LBH: variants seen among roughly 807,000 people sequenced by gnomAD.
LBH encodes the protein protein LBH.
Under a neutral mutation model 12.5 loss-of-function variants are expected in LBH, and 7 were observed. The ratio of observed to expected loss-of-function variants is 0.56; its 90% CI spans 0.32 to 1.05. The LOEUF (loss-of-function observed/expected upper bound fraction) is 1.05, where lower values mean the gene tolerates loss of function less well. LBH is among the 50% of genes least tolerant of loss of function. The probability of loss-of-function intolerance (pLI) is 0.04; values close to 1 mark genes in which losing one functional copy is unlikely to be tolerated. For missense variants in LBH, 119 were observed against 138.9 expected, an observed-to-expected ratio of 0.86 and a Z score of 0.72; for synonymous variants, 51 against 50.1, an observed-to-expected ratio of 1.02 and a Z score of -0.08.
chr2:30,246,561 T>C (rs770742816), intron 2 of LBH, among the ~76,000 whole-genome samples: 1 of 152,238 alleles, frequency 6.6e-6, no homozygotes, highest in Non-Finnish European at 1.5e-5. Flanking sequence ...GGCATTGTTT[T>C]ACGTTTTTGC....
intron 2 of LBH, among the ~76,000 whole-genome samples, chr2:30,252,468 C>T (rs1437890983): frequency 3.3e-5 from 5 of 152,180 alleles, no homozygotes; most frequent in Non-Finnish European, 7.3e-5. Context: ...TGAGACCATA[C>T]TGGCTAACAT....
At chr2:30,234,829 C>T (rs1299497016) in intron 2 of LBH, among the ~76,000 whole-genome samples, 1 of 152,190 alleles carries the variant, frequency 6.6e-6, no homozygotes, top group Non-Finnish European at 1.5e-5. Flanking sequence ...TTGCCATTCA[C>T]CGCAGCAAAG....
intron 2 of LBH, among the ~76,000 whole-genome samples, chr2:30,255,577 C>T (rs1039425576): frequency 2.6e-5 from 4 of 152,172 alleles, no homozygotes; most frequent in Admixed American, 6.5e-5. Flanking sequence ...AATAATCACT[C>T]GTTTGCAGGT....
intron 2 of LBH, among the ~76,000 whole-genome samples, chr2:30,249,576 C>G (rs13414105): frequency 0.28 from 43,115 of 152,106 alleles, 6,480 homozygotes; most frequent in Middle Eastern, 0.43. Flanking sequence ...TTTTCATTCC[C>G]CCGGTCCTAA....
At chr2:30,232,162 C>A (rs747835957) in intron 1 of LBH, 115 of 1,543,060 alleles carry the variant, frequency 7.5e-5, no homozygotes, top group Non-Finnish European at 9.3e-5. Context: ...TTTTTGTTTG[C>A]ATGCAAGTCT....
At chr2:30,250,393 A>G (rs566950277) in intron 2 of LBH, among the ~76,000 whole-genome samples, 12 of 151,298 alleles carry the variant, frequency 7.9e-5, no homozygotes, top group African/African-American at 2.7e-4. Context: ...CCTGCTAACC[A>G]CCTTTCATCT....
intron 1 of LBH, chr2:30,232,164 T>C: frequency 6.8e-7 from 1 of 1,476,816 alleles, no homozygotes; most frequent in Non-Finnish European, 9.0e-7. Flanking sequence ...TTTGTTTGCA[T>C]GCAAGTCTCA....
intron 2 of LBH, among the ~76,000 whole-genome samples, chr2:30,237,125 G>A (rs1355786547): frequency 6.6e-6 from 1 of 152,228 alleles, no homozygotes; most frequent in Non-Finnish European, 1.5e-5. Flanking sequence ...CTGGGGGCAG[G>A]GGATCTCGGA....
intron 2 of LBH, among the ~76,000 whole-genome samples, chr2:30,247,509 A>G (rs1677896005): frequency 6.6e-6 from 1 of 152,162 alleles, no homozygotes; most frequent in South Asian, 2.1e-4. Flanking sequence ...CACTTTGTCC[A>G]TTTTTGAGAA....
chr2:30,254,695 G>A (rs1360289441), intron 2 of LBH, among the ~76,000 whole-genome samples: 1 of 151,344 alleles, frequency 6.6e-6, no homozygotes, highest in Admixed American at 6.6e-5. Context: ...GGCTGTCATA[G>A]TTAGAATTGG....
chr2:30,248,921 A>G (rs1001826385), intron 2 of LBH, among the ~76,000 whole-genome samples: 2 of 152,194 alleles, frequency 1.3e-5, no homozygotes, highest in Non-Finnish European at 2.9e-5. Context: ...AGCATCTTTG[A>G]TCCAAAGGAA....
chr2:30,239,593 A>G lies in LBH; in HGVS notation c.129+5086A>G, dbSNP rs577706585. On this transcript the variant is annotated intron_variant, in intron 2 of 2. Transcript: ENST00000395323. ...TAAAAATTCCAGAACATTTGGCAGGAGGCATCCAGCCGCGGACACATGTTC... is the reference window on the plus strand; with the variant it reads ...TAAAAATTCCAGAACATTTGGCAGGGGGCATCCAGCCGCGGACACATGTTC... Among the ~76,000 whole-genome samples the G allele has an allele frequency of 2.0e-5, 3 of 152,302 alleles. No homozygotes were observed. In the East Asian group the frequency reaches 5.8e-4, roughly 29 times the overall value.
At chr2:30,231,916 C>T in intron 1 of LBH, 152 bp downstream of exon 1, 4 of 517,792 alleles carry the variant, frequency 7.7e-6, no homozygotes, top group African/African-American at 2.7e-5. Context: ...GAGTCAACGT[C>T]AAGGTTGCAA....
rs1483837822 is a variant in LBH at position 30,259,828 on chromosome 2, T to C, written c.*2207T>C. Reference sequence around the variant, plus strand: ...TATCTGGCCTCCTCTTTTTTTTTTTTTCAAGTAATTTGTGTGTATTTCTAA... The same window carrying C: ...TATCTGGCCTCCTCTTTTTTTTTTTCTCAAGTAATTTGTGTGTATTTCTAA... On this transcript the variant is annotated 3_prime_UTR_variant, in exon 3 of 3. Transcript: ENST00000395323. 1 of 152,454 alleles carries C rather than the reference T, an allele frequency of 6.6e-6. No homozygotes were observed. Among genetic ancestry groups the C allele is most frequent in the Non-Finnish European group, 1.5e-5 (1 of 67,994 alleles). The allele number at this position is 152,454 out of a possible 1,614,324, so 9.4% of individuals were successfully genotyped here.
At chr2:30,252,883 C>T (rs1678010052) in intron 2 of LBH, among the ~76,000 whole-genome samples, 2 of 152,134 alleles carry the variant, frequency 1.3e-5, no homozygotes, top group African/African-American at 2.4e-5. Flanking sequence ...TCTAGACCTG[C>T]CCTACCCTGG....
intron 2 of LBH, among the ~76,000 whole-genome samples, chr2:30,254,202 G>A (rs1286893546): frequency 2.0e-5 from 3 of 152,130 alleles, no homozygotes; most frequent in African/African-American, 7.2e-5. Flanking sequence ...CCATACCTGT[G>A]ATAAAGGTTA....
In LBH at chr2:30,259,571, A is replaced by G. The variant is rs1678153849; in HGVS notation, c.*1950A>G. The G allele has an allele frequency of 6.6e-6, 1 of 152,568 alleles. No homozygotes were observed. Among genetic ancestry groups the G allele is most frequent in the African/African-American group, 2.4e-5 (1 of 41,370 alleles). 9.5% of individuals were successfully genotyped at this position (152,568 alleles called of 1,614,324 possible). ...CTTCCCTTATCTGCTACCCTGAATC[A>G]CCTGTCCTGGTCTTGCTGTGTGATG... is the stretch of plus-strand genomic sequence containing the variant. On this transcript the variant is annotated 3_prime_UTR_variant, in exon 3 of 3. Transcript: ENST00000395323.
intron 2 of LBH, among the ~76,000 whole-genome samples, chr2:30,241,858 T>G (rs1211782498): frequency 2.0e-5 from 3 of 152,178 alleles, no homozygotes; most frequent in Non-Finnish European, 4.4e-5. Flanking sequence ...TGCCTTCTTT[T>G]CCTGTGCACT....
chr2:30,245,759 T>C (rs1052718016), intron 2 of LBH, among the ~76,000 whole-genome samples: 1 of 152,170 alleles, frequency 6.6e-6, no homozygotes, highest in African/African-American at 2.4e-5. Context: ...TATTGTGTTT[T>C]TTAAAAGTCG....
Sources: allele counts gnomAD v4.1 joint callset (sites outside exome capture counted in the v4.1 genomes callset), GRCh38; gene constraint gnomAD v4.1.1; transcripts MANE v1.5; gene names NCBI Gene and HGNC (gene_info 2026-07-23, HGNC 2026-07-21).